ZNF280C: variants seen among roughly 807,000 people sequenced by gnomAD.
ZNF280C encodes suppressor of hairy wing homolog 3.
A neutral mutation model predicts 53.6 loss-of-function variants in ZNF280C; 14 were observed. The ratio of observed to expected loss-of-function variants is 0.26; its 90% CI spans 0.17 to 0.41. ZNF280C has a LOEUF of 0.41. Ranked by LOEUF, ZNF280C falls within the 10% of genes least tolerant of loss-of-function variation. The pLI is 1.00. For missense variants in ZNF280C, 416 were observed against 547.1 expected, an observed-to-expected ratio of 0.76 and a Z score of 2.39; for synonymous variants, 203 against 181.1, an observed-to-expected ratio of 1.12 and a Z score of -0.97.
At chrX:130,240,573 G>A (rs1180735803) in intron 5 of ZNF280C, among the ~76,000 whole-genome samples, 7 of 111,783 alleles carry the variant, frequency 6.3e-5, no homozygotes, top group East Asian at 2.8e-4. Flanking sequence ...GAAAATATCC[G>A]TTTGCAATTT....
chrX:130,228,861 C>T (rs1452894488), intron 10 of ZNF280C, 116 bp downstream of exon 10: 2 of 699,227 alleles, frequency 2.9e-6, no homozygotes, highest in Non-Finnish European at 2.0e-6. Flanking sequence ...TTCAATTTTG[C>T]CCTCATATTA....
intron 12 of ZNF280C, 130 bp from the exon 13 acceptor site, chrX:130,220,610 A>C (rs1339033978): frequency 3.1e-5 from 18 of 588,745 alleles, no homozygotes; most frequent in South Asian, 2.7e-4. Context: ...CAGACAATTC[A>C]AAGTGATCTA....
rs1295442094 is a variant in ZNF280C at position 130,230,728 on chromosome X, C to A, written c.772-1G>T. The A allele has an allele frequency of 1.7e-6, 2 of 1,159,177 alleles. No homozygotes were observed. Among genetic ancestry groups the A allele is most frequent in the Admixed American group, 2.3e-5 (1 of 42,719 alleles). On this transcript the variant is annotated splice_acceptor_variant, in intron 8 of 18. Coordinates refer to ENST00000370978, the MANE Select transcript of ZNF280C (RefSeq NM_017666.5). LOFTEE classifies it high-confidence loss of function. ...TAGTTATCATGTCTGGACAACAATG[C>A]TGAAAGAGGAAAAAAATATGAGCCT...
intron 12 of ZNF280C, among the ~76,000 whole-genome samples, chrX:130,222,216 C>G (rs1438031821): frequency 9.4e-6 from 1 of 106,412 alleles, no homozygotes; most frequent in African/African-American, 3.4e-5. Context: ...CACTCTCTAT[C>G]TACCTATATT....
chrX:130,247,808 C>G (rs209219), intron 2 of ZNF280C, among the ~76,000 whole-genome samples: 54,705 of 108,838 alleles, frequency 0.5, 10,804 homozygotes, highest in African/African-American at 0.72. Context: ...TCAGGTATAT[C>G]AGGCACAGGG....
intron 1 of ZNF280C, among the ~76,000 whole-genome samples, chrX:130,263,468 T>C (rs2032652493): frequency 8.9e-6 from 1 of 112,221 alleles, no homozygotes; most frequent in African/African-American, 3.2e-5. Context: ...GACCACATAT[T>C]GTATGATTTC....
chrX:130,261,738 T>C (rs1374499061), intron 1 of ZNF280C, among the ~76,000 whole-genome samples: 1 of 112,438 alleles, frequency 8.9e-6, no homozygotes, highest in Non-Finnish European at 1.9e-5. Context: ...ATTAAGGATC[T>C]ATTGCTACCA....
chrX:130,207,862 T>C (rs779343816), intron 16 of ZNF280C, among the ~76,000 whole-genome samples: 53 of 111,603 alleles, frequency 4.7e-4, no homozygotes, highest in African/African-American at 1.7e-3. Flanking sequence ...CTTTGAAATC[T>C]GTATCTCTCA....
chrX:130,229,262 G>A, intron 9 of ZNF280C, 128 bp from the exon 10 acceptor site: 1 of 589,488 alleles, frequency 1.7e-6, no homozygotes. Context: ...TCCAAGGCCT[G>A]AAAGCACTCT....
At position 130,203,639 on chromosome X, in the gene ZNF280C, G is replaced by C. The variant is rs1175589208; in HGVS notation, c.*1338C>G. On this transcript the variant is annotated 3_prime_UTR_variant, in exon 19 of 19. Transcript: ENST00000370978. ...GATCGCGCCACTGCACTCCAGCCTG[G>C]GTGACAGAGCAAGACTCTGTCTTAA... The C allele has an allele frequency of 9.0e-6, 1 of 111,579 alleles. No individual in the cohort carries two copies. Among genetic ancestry groups the C allele is most frequent in the Non-Finnish European group, 1.9e-5 (1 of 53,103 alleles). The allele number at this position is 111,579 out of a possible 1,213,427, so 9.2% of individuals were successfully genotyped here.
chrX:130,259,098 CT>C (rs1390764317), intron 2 of ZNF280C, among the ~76,000 whole-genome samples: 1 of 112,208 alleles, frequency 8.9e-6, no homozygotes, highest in Non-Finnish European at 1.9e-5. Flanking sequence ...TCTTACTGCA[CT>C]GACAGTCTAT....
chrX:130,212,904 GT>G (rs1380194656), intron 15 of ZNF280C, among the ~76,000 whole-genome samples: 2 of 111,794 alleles, frequency 1.8e-5, no homozygotes, highest in East Asian at 2.8e-4. Flanking sequence ...GGACATGTCT[GT>G]TTTTTGAGAT....
At chrX:130,244,624 A>G (rs2032429420) in intron 3 of ZNF280C, among the ~76,000 whole-genome samples, 1 of 108,594 alleles carries the variant, frequency 9.2e-6, no homozygotes, top group Non-Finnish European at 1.9e-5. Context: ...AAAAATACAA[A>G]AAAATTAGCT....
At chrX:130,255,772 T>G (rs897217127) in intron 2 of ZNF280C, among the ~76,000 whole-genome samples, 1 of 111,082 alleles carries the variant, frequency 9.0e-6, no homozygotes, top group African/African-American at 3.3e-5. Flanking sequence ...ATGGACAACA[T>G]GGTGAGACGC....
chrX:130,207,845 T>C (rs2031993232), intron 16 of ZNF280C, among the ~76,000 whole-genome samples: 1 of 111,474 alleles, frequency 9.0e-6, no homozygotes, highest in Non-Finnish European at 1.9e-5. Flanking sequence ...GTAGAAACCT[T>C]TCTCCCCTTT....
intron 15 of ZNF280C, among the ~76,000 whole-genome samples, chrX:130,211,760 T>C (rs775967923): frequency 9.0e-6 from 1 of 111,711 alleles, no homozygotes; most frequent in Non-Finnish European, 1.9e-5. Flanking sequence ...TTTAGGTCAA[T>C]TGGGAATGTC....
Position 130,205,006 on chromosome X carries a change from A to AG in ZNF280C, c.2199-15_2199-14insC. 9.4e-7 allele frequency: 1 copy of AG among 1,061,998 alleles called. No homozygotes were observed. The highest frequency in any genetic ancestry group is 1.2e-6 in the Non-Finnish European group (1 of 817,839). 87.5% of individuals were successfully genotyped at this position (1,061,998 alleles called of 1,213,427 possible). A position where few individuals can be genotyped will look rare whatever the true frequency, so the allele number is the denominator to read the frequency against. On this transcript the variant is annotated splice_polypyrimidine_tract_variant and intron_variant, in intron 18 of 18. Coordinates refer to ENST00000370978, the MANE Select transcript of ZNF280C (RefSeq NM_017666.5). ...TTCAATGAGCAGCTTTAAGAAAAAA[A>AG]AAAAAAAACTTTAATATTTTTCATT...
intron 15 of ZNF280C, among the ~76,000 whole-genome samples, chrX:130,213,762 G>T (rs1420316100): frequency 9.0e-6 from 1 of 111,409 alleles, no homozygotes; most frequent in Non-Finnish European, 1.9e-5. Context: ...AAGCAGAAAG[G>T]GATGTAAAGT....
chrX:130,227,383 T>C (rs981152966), intron 11 of ZNF280C, among the ~76,000 whole-genome samples: 2 of 111,735 alleles, frequency 1.8e-5, no homozygotes, highest in African/African-American at 6.5e-5. Context: ...CCTATTTCTC[T>C]AGCATATCTA....
Sources: allele counts gnomAD v4.1 joint callset (sites outside exome capture counted in the v4.1 genomes callset), GRCh38; gene constraint gnomAD v4.1.1; transcripts MANE v1.5; gene names NCBI Gene and HGNC (gene_info 2026-07-23, HGNC 2026-07-21).